The following KSR2 variants were observed in gnomAD, a reference collection of about 807,000 sequenced individuals.
KSR2 encodes kinase suppressor of ras 2.
Under a neutral mutation model 107.8 loss-of-function variants are expected in KSR2, and 25 were observed. That is an observed-to-expected ratio of 0.23 (90% CI 0.17 to 0.32). The LOEUF (loss-of-function observed/expected upper bound fraction) is 0.32. Among genes scored for constraint, KSR2 ranks in the 10% least tolerant of loss-of-function variants. KSR2 has a pLI of 1.00. For synonymous variants in KSR2, 480 were observed against 507.0 expected (o/e 0.95, Z 0.71); for missense variants, 887 against 1,268.9 (o/e 0.70, Z 4.57).
chr12:117,515,040 A>G (rs1874278241), intron 14 of KSR2, among the ~76,000 whole-genome samples: 1 of 152,022 alleles, frequency 6.6e-6, no homozygotes, highest in African/African-American at 2.4e-5. Flanking sequence ...CCAGGTCCCC[A>G]TGTACCCCTG....
intron 1 of KSR2, among the ~76,000 whole-genome samples, chr12:117,892,883 G>T (rs79715601): frequency 0.011 from 1,687 of 151,686 alleles, 31 homozygotes; most frequent in African/African-American, 0.039. Context: ...CCAAATGCAG[G>T]ACTGTGGCTG....
At position 117,484,803 on chromosome 12, in the gene KSR2, C is replaced by T. The variant is rs539710133; in HGVS notation, c.2317-254G>A. On this transcript the variant is annotated intron_variant, in intron 15 of 19. Coordinates refer to ENST00000339824, the MANE Select transcript of KSR2 (RefSeq NM_173598.6). The stretch of plus-strand genomic sequence containing the variant: ...ACCACAGAAAGGCCAGCCCCATTTG[C>T]TCATCTGATTCCTGAAGAAGAAACA... Among the ~76,000 whole-genome samples the T allele has an allele frequency of 6.6e-5, 10 of 152,294 alleles. No homozygotes were observed. In the South Asian group the frequency reaches 8.3e-4, roughly 13 times the overall value.
intron 4 of KSR2, among the ~76,000 whole-genome samples, chr12:117,740,921 C>T (rs755496356): frequency 2.6e-5 from 4 of 152,106 alleles, no homozygotes; most frequent in Admixed American, 6.6e-5. Context: ...GAGGCCCTCA[C>T]GGCAGATCTT....
chr12:117,472,647 G>A (rs1047190506), intron 17 of KSR2, among the ~76,000 whole-genome samples: 8 of 152,150 alleles, frequency 5.3e-5, no homozygotes, highest in Non-Finnish European at 7.3e-5. Flanking sequence ...CCTTCTACCT[G>A]ACAACCTTAT....
intron 1 of KSR2, among the ~76,000 whole-genome samples, chr12:117,943,982 A>C (rs1333359668): frequency 6.6e-6 from 1 of 152,000 alleles, no homozygotes; most frequent in Non-Finnish European, 1.5e-5. Context: ...TGTGCCTTTC[A>C]CCTTTCACCA....
At chr12:117,860,264 A>G (rs898704365) in intron 2 of KSR2, 27 bp downstream of exon 2, 2 of 1,599,008 alleles carry the variant, frequency 1.3e-6, no homozygotes, top group Non-Finnish European at 1.7e-6. Context: ...AGTAAGGGGC[A>G]GGGGACACAG....
intron 14 of KSR2, among the ~76,000 whole-genome samples, chr12:117,505,943 A>T (rs1172350418): frequency 4.6e-5 from 7 of 152,152 alleles, no homozygotes; most frequent in African/African-American, 9.7e-5. Flanking sequence ...CTCTGTTTCA[A>T]CACTTCCTTC....
intron 4 of KSR2, among the ~76,000 whole-genome samples, chr12:117,677,857 T>C (rs1885200309): frequency 6.6e-6 from 1 of 152,188 alleles, no homozygotes; most frequent in South Asian, 2.1e-4. Context: ...TTTGGATGAA[T>C]GTACAAGTGA....
At chr12:117,725,558 C>G (rs1887392893) in intron 4 of KSR2, among the ~76,000 whole-genome samples, 1 of 152,122 alleles carries the variant, frequency 6.6e-6, no homozygotes, top group Admixed American at 6.5e-5. Context: ...AAACCTATCA[C>G]AAAAGCTAAA....
intron 4 of KSR2, among the ~76,000 whole-genome samples, chr12:117,756,623 C>T (rs2136849094): frequency 1.3e-5 from 2 of 152,332 alleles, no homozygotes; most frequent in Middle Eastern, 6.8e-3. Context: ...TTCATCCCTG[C>T]TAATACATCC....
intron 1 of KSR2, among the ~76,000 whole-genome samples, chr12:117,950,528 A>T (rs11068758): frequency 0.1 from 15,530 of 151,814 alleles, 1,040 homozygotes; most frequent in Admixed American, 0.16. Flanking sequence ...TGAACCCAGG[A>T]GTTGGAGACC....
intron 4 of KSR2, among the ~76,000 whole-genome samples, chr12:117,731,172 A>AGGGGT (rs1887667546): frequency 7.2e-6 from 1 of 139,616 alleles, no homozygotes; most frequent in African/African-American, 2.8e-5. Flanking sequence ...CCCGTCTGGG[A>AGGGGT]ACTGAGGAGT....
chr12:117,826,398 G>A (rs373766228), intron 3 of KSR2, among the ~76,000 whole-genome samples: 4 of 152,034 alleles, frequency 2.6e-5, no homozygotes, highest in African/African-American at 9.7e-5. Context: ...GTTGACGTTA[G>A]CTGTTCCTGT....
At chr12:117,823,130 A>AAAC (rs35002501) in intron 3 of KSR2, among the ~76,000 whole-genome samples, 2 of 150,218 alleles carry the variant, frequency 1.3e-5, no homozygotes. Context: ...AAAAAAAAAA[A>AAAC]GTGTGGCTGG....
intron 3 of KSR2, among the ~76,000 whole-genome samples, chr12:117,815,990 AGTGTGTGTGT>A (rs35013081): frequency 0.035 from 3,942 of 113,568 alleles, 94 homozygotes; most frequent in South Asian, 0.083. Flanking sequence ...AAAAAAATAA[AGTGTGTGTGT>A]GTGTGTGTGT....
At chr12:117,706,089 G>A (rs1000397304) in intron 4 of KSR2, among the ~76,000 whole-genome samples, 2 of 149,288 alleles carry the variant, frequency 1.3e-5, no homozygotes, top group Non-Finnish European at 3.0e-5. Context: ...TGTCGCCCAG[G>A]CTGGAGAGCA....
intron 1 of KSR2, among the ~76,000 whole-genome samples, chr12:117,948,951 G>A (rs532467649): frequency 1.8e-4 from 27 of 152,030 alleles, no homozygotes; most frequent in African/African-American, 5.5e-4. Context: ...AAAATTAGCC[G>A]GGCATGGTGG....
chr12:117,531,039 G>GA (rs748745836), intron 11 of KSR2, 26 bp from the exon 12 acceptor site: 52 of 1,600,028 alleles, frequency 3.2e-5, no homozygotes, highest in African/African-American at 6.7e-5. Context: ...TGAACACTCA[G>GA]AAAAAAAATG....
chr12:117,837,602 C>G (rs1179350518), intron 3 of KSR2, among the ~76,000 whole-genome samples: 1 of 152,080 alleles, frequency 6.6e-6, no homozygotes, highest in Non-Finnish European at 1.5e-5. Context: ...GTTCCTCCAC[C>G]CTACGTGATC....
Sources: allele counts gnomAD v4.1 joint callset (sites outside exome capture counted in the v4.1 genomes callset), GRCh38; gene constraint gnomAD v4.1.1; transcripts MANE v1.5; gene names NCBI Gene and HGNC (gene_info 2026-07-23, HGNC 2026-07-21).